ZNF160: variants seen among roughly 807,000 people sequenced by gnomAD.
ZNF160 encodes the protein zinc finger protein 160, also known as KRAB zinc finger protein KR18.
A neutral mutation model predicts 13.1 loss-of-function variants in ZNF160; 9 were observed. The ratio of observed to expected loss-of-function variants is 0.69; its 90% confidence interval spans 0.41 to 1.20. The LOEUF is 1.20. Ranked by LOEUF, ZNF160 falls within the 50% of genes most tolerant of loss-of-function variation. The probability of loss-of-function intolerance (pLI) is 0.01; values close to 1 mark genes in which losing one functional copy is unlikely to be tolerated. For missense variants in ZNF160, 838 were observed against 988.0 expected, an observed-to-expected ratio of 0.85 and a Z score of 2.04; for synonymous variants, 293 against 333.2, an observed-to-expected ratio of 0.88 and a Z score of 1.31.
chr19:53,085,949 C>T, intron 3 of ZNF160: 2 of 1,152,672 alleles, frequency 1.7e-6, no homozygotes, highest in Non-Finnish European at 2.5e-6. Context: ...GCTGACAGTG[C>T]ATCCAGATGC....
intron 2 of ZNF160, among the ~76,000 whole-genome samples, chr19:53,089,132 A>G (rs2084946533): frequency 6.6e-6 from 1 of 152,190 alleles, no homozygotes; most frequent in South Asian, 2.1e-4. Flanking sequence ...TCCCCAATTT[A>G]CAGTTGGTCG....
chr19:53,093,214 T>G (rs886999298), intron 1 of ZNF160, among the ~76,000 whole-genome samples: 8 of 152,278 alleles, frequency 5.3e-5, no homozygotes, highest in African/African-American at 1.9e-4. Context: ...CCGAGGCAGG[T>G]GGATCACCTG....
rs1160492541 is a variant in ZNF160, at chr19:53,070,118, T to C, written c.416A>G (p.His139Arg). Reference sequence around the variant, plus strand: ...ATCTCTCCATTGACACTCAAAATCATGCACATTTTTCTGGGGTTCCTTGAA... The same window carrying C: ...ATCTCTCCATTGACACTCAAAATCACGCACATTTTTCTGGGGTTCCTTGAA... The part of the protein sequence containing the change: ...FSFKEPQKNV[H>R]DFECQWRDDT... The change falls in exon 6 of 6, where the codon CAT becomes CGT. Residue 139 changes from histidine (H) to arginine (R), a missense_variant. This residue lies in a region of ZNF160 where 387 missense variants were observed against 402.3 expected (regional missense o/e 0.96). Coordinates refer to ENST00000683776, the MANE Select transcript of ZNF160 (RefSeq NM_001322131.2). 1.1e-5 allele frequency: 17 copies of C among 1,614,048 alleles called. No homozygotes were observed. Among genetic ancestry groups the C allele is most frequent in the African/African-American group, 2.7e-5 (2 of 74,940 alleles).
intron 2 of ZNF160, chr19:53,091,211 A>T (rs1006592537): frequency 2.6e-5 from 4 of 152,188 alleles, no homozygotes; most frequent in Non-Finnish European, 5.9e-5. Context: ...AAAATTATTT[A>T]AACGTGGTGG....
At chr19:53,085,277 T>G in intron 3 of ZNF160, 1 of 888,650 alleles carries the variant, frequency 1.1e-6, no homozygotes, top group Non-Finnish European at 1.3e-6. Flanking sequence ...CAACCAAACA[T>G]TCACTGAGGA....
At chr19:53,088,821 CCTG>C (rs2145861700) in intron 2 of ZNF160, among the ~76,000 whole-genome samples, 1 of 152,236 alleles carries the variant, frequency 6.6e-6, no homozygotes, top group African/African-American at 2.4e-5. Flanking sequence ...GGTAGGGAGT[CCTG>C]CTGTTTTACT....
intron 1 of ZNF160, among the ~76,000 whole-genome samples, chr19:53,098,696 C>T (rs532201397): frequency 6.6e-6 from 1 of 151,678 alleles, no homozygotes; most frequent in South Asian, 2.1e-4. Flanking sequence ...AACTTCTCGC[C>T]ACCCTTCCTG....
chr19:53,078,397 G>A (rs2084491466), intron 3 of ZNF160, among the ~76,000 whole-genome samples: 2 of 151,784 alleles, frequency 1.3e-5, no homozygotes, highest in South Asian at 4.2e-4. Flanking sequence ...GCTACAAAGT[G>A]AGACCCCATC....
intron 5 of ZNF160, among the ~76,000 whole-genome samples, chr19:53,073,775 T>C (rs2084273411): frequency 6.6e-6 from 1 of 150,764 alleles, no homozygotes; most frequent in African/African-American, 2.4e-5. Context: ...CTGCAGAGAG[T>C]TTCCCACTTT....
At chr19:53,070,415 GT>G (rs765945264) in intron 5 of ZNF160, among the ~76,000 whole-genome samples, 153 bp from the exon 6 acceptor site, 74 of 144,964 alleles carry the variant, frequency 5.1e-4, no homozygotes, top group East Asian at 8.0e-4. Context: ...GAACAAAAAT[GT>G]TTTTTTTTTT....
intron 1 of ZNF160, among the ~76,000 whole-genome samples, chr19:53,092,117 T>C (rs964230651): frequency 2.0e-5 from 3 of 152,132 alleles, no homozygotes; most frequent in Non-Finnish European, 4.4e-5. Context: ...TCACATGCAT[T>C]CCAAAAGTAC....
Position 53,069,934 on chromosome 19 carries a change from T to G in ZNF160, c.600A>C (p.Lys200Asn), listed in dbSNP as rs77816404. 0.012 allele frequency: 18,815 copies of G among 1,614,132 alleles called. 151 individuals carry two copies. Among genetic ancestry groups the G allele is most frequent in the Non-Finnish European group, 0.014 (16,032 of 1,180,028 alleles). ...PELQLFQGEG[K>N]MYECNQVEKS... ...TCTCAACTTGATTACATTCATACAT[T>G]TTCCCCTCACCTTGAAATAGCTGCA... Residue 200 changes from lysine (K) to asparagine (N), a missense_variant, in exon 6 of 6, where the codon AAA becomes AAC. Lys to Asn is a moderately conservative substitution (Grantham distance 94). This residue lies in a region of ZNF160 where 387 missense variants were observed against 402.3 expected (regional missense o/e 0.96). Coordinates refer to ENST00000683776, the MANE Select transcript of ZNF160 (RefSeq NM_001322131.2). This position sits in a 1 kb window ranked among gnomAD's most constrained non-coding sequence, Gnocchi z 4.4.
chr19:53,091,091 A>ACTTCGTGGGCTGTAATCCCAGCC (rs2085017729), intron 2 of ZNF160: 2 of 152,344 alleles, frequency 1.3e-5, no homozygotes, highest in Admixed American at 1.3e-4. Context: ...TAATCCCAGC[A>ACTTCGTGGGCTGTAATCCCAGCC]CTTCGTGGGC....
chr19:53,090,601 C>T (rs2084997305), intron 2 of ZNF160, among the ~76,000 whole-genome samples: 1 of 152,208 alleles, frequency 6.6e-6, no homozygotes, highest in Non-Finnish European at 1.5e-5. Context: ...TGGAGGTGAA[C>T]AGACAGGCCC....
chr19:53,068,280 G>A lies in ZNF160; in HGVS notation c.2254C>T (p.Arg752Ter), dbSNP rs1179666432. 1.2e-6 allele frequency: 2 copies of A among 1,613,896 alleles called. No homozygotes were observed. Among genetic ancestry groups the A allele is most frequent in the South Asian group, 1.1e-5 (1 of 91,058 alleles). ...GGTTTCTCCCCAGTATGAATTCTTCGGTGATTTGCCAGGTGAGCATTTTGA... is the reference window on the plus strand; with the variant it reads ...GGTTTCTCCCCAGTATGAATTCTTCAGTGATTTGCCAGGTGAGCATTTTGA... ...FTQNAHLANHRRIHTGEKPYR... is the reference protein window; with the variant it reads ...FTQNAHLANH Residue 752 changes from arginine (R) to a stop codon, truncating the protein, a stop_gained, in exon 6 of 6, where the codon CGA becomes TGA. Transcript: ENST00000683776. LOFTEE classifies it low-confidence loss of function (END_TRUNC).
rs768316887 is a variant in ZNF160, at chr19:53,069,443, G to C, written c.1091C>G (p.Thr364Ser). The change falls in exon 6 of 6, where the codon ACT becomes AGT. Residue 364 changes from threonine to serine, a missense_variant. Physicochemically the swap from Thr to Ser is moderately conservative, Grantham distance 58. This residue lies in a region of ZNF160 where 400 missense variants were observed against 538.9 expected (regional missense o/e 0.74). Transcript: ENST00000683776. The surrounding 1 kb of genome is among the most constrained non-coding windows in gnomAD (Gnocchi z 4.4). Reference sequence around the variant, plus strand: ...ATTACATTTGAACGGTTTTTCTCCAGTATGAATTAACTGATGGGTAGTTAG... The same window carrying C: ...ATTACATTTGAACGGTTTTTCTCCACTATGAATTAACTGATGGGTAGTTAG... The part of the protein sequence containing the change: ...SNLTTHQLIH[T>S]GEKPFKCNEC... The C allele has an allele frequency of 3.1e-6, 5 of 1,613,992 alleles. No homozygotes were observed. Among genetic ancestry groups the C allele is most frequent in the East Asian group, 2.2e-5 (1 of 44,858 alleles).
chr19:53,071,672 T>TA lies in ZNF160; in HGVS notation c.272-1411dup, dbSNP rs1219038604. Among the ~76,000 whole-genome samples the TA allele has an allele frequency of 1.8e-3, 264 of 142,874 alleles. 2 individuals are homozygous for TA. Among genetic ancestry groups the TA allele is most frequent in the African/African-American group, 6.1e-3 (239 of 39,022 alleles). 93.7% of individuals were successfully genotyped at this position (142,874 alleles called of 152,430 possible). On this transcript the variant is annotated intron_variant, in intron 5 of 5. Transcript: ENST00000683776. ...TGAGATGTCTTAAAAAATAAAAAAA[T>TA]AAAAAAAAAATCGGGCAGCCTAGAT... is the stretch of plus-strand genomic sequence containing the variant.
chr19:53,099,385 A>C (rs878881634), intron 1 of ZNF160, among the ~76,000 whole-genome samples: 16 of 152,336 alleles, frequency 1.1e-4, no homozygotes, highest in Admixed American at 2.6e-4. Context: ...AGAGGGAGTC[A>C]TGAGATGAGG....
At chr19:53,096,043 C>T (rs2085221900) in intron 1 of ZNF160, among the ~76,000 whole-genome samples, 1 of 152,002 alleles carries the variant, frequency 6.6e-6, no homozygotes, top group Non-Finnish European at 1.5e-5. Flanking sequence ...ATGGTAAAAC[C>T]CTGTCTCTAC....
Sources: allele counts gnomAD v4.1 joint callset (sites outside exome capture counted in the v4.1 genomes callset), GRCh38; gene constraint gnomAD v4.1.1; regional missense constraint gnomAD v4.1.1; non-coding constraint Gnocchi (gnomAD v3.1); transcripts MANE v1.5; gene names NCBI Gene and HGNC (gene_info 2026-07-23, HGNC 2026-07-21).